Variants in SEL1L3 observed in about 807,000 individuals in gnomAD.
SEL1L3 encodes the protein protein sel-1 homolog 3.
Under a neutral mutation model 142.8 loss-of-function variants are expected in SEL1L3, and 76 were observed. The observed-to-expected ratio is 0.53, with a 90% CI of 0.44 to 0.64. SEL1L3 has a LOEUF of 0.64. Among genes scored for constraint, SEL1L3 ranks in the 30% least tolerant of loss-of-function variants. The pLI is 0.00. For missense variants in SEL1L3, 1,262 were observed against 1,381.7 expected, an observed-to-expected ratio of 0.91 and a Z score of 1.37; for synonymous variants, 504 against 519.6, an observed-to-expected ratio of 0.97 and a Z score of 0.41.
At chr4:25,740,841 A>G in the SEL1L3 span, among the ~76,000 whole-genome samples, 66 of 151,110 alleles carry the variant, frequency 4.4e-4, no homozygotes, top group African/African-American at 1.6e-3. Context: ...CTGGAGTGCA[A>G]TGGTGCGATC....
intron 6 of SEL1L3, among the ~76,000 whole-genome samples, chr4:25,826,310 A>G (rs1290831702): frequency 1.3e-5 from 2 of 152,222 alleles, no homozygotes; most frequent in African/African-American, 4.8e-5. Flanking sequence ...AATCCCGAGC[A>G]CTTAATTCCT....
the SEL1L3 span, among the ~76,000 whole-genome samples, chr4:25,733,482 A>C: frequency 6.8e-6 from 1 of 147,714 alleles, no homozygotes; most frequent in Non-Finnish European, 1.5e-5. Context: ...CATTGATAAG[A>C]TCATGTAGTT....
chr4:25,822,116 A>G lies in SEL1L3; in HGVS notation c.1170T>C (p.Asp390=), dbSNP rs1331766279. 1 of 1,613,868 alleles carries G rather than the reference A, an allele frequency of 6.2e-7. No homozygotes were observed. The highest frequency in any genetic ancestry group is 1.7e-5 in the Admixed American group (1 of 60,016). ...YHNQTISFRE[D]FHYNDTAGYF... is the part of the protein sequence containing the mutation. ...ACCCAGCTGTGTCATTATAATGGAAATCCTCCCGGAAGCTAGAGAAGAGAA... is the reference window on the plus strand; with the variant it reads ...ACCCAGCTGTGTCATTATAATGGAAGTCCTCCCGGAAGCTAGAGAAGAGAA... Residue 390 remains aspartate (D), a synonymous_variant, in exon 7 of 24, where the codon GAT becomes GAC. Coordinates refer to ENST00000399878, the MANE Select transcript of SEL1L3 (RefSeq NM_015187.5).
rs1349745051 is a variant in SEL1L3 at position 25,833,019 on chromosome 4, C to T, written c.1074G>A (p.Leu358=). ...CCTGGCCTCCGTTAAAAGAGATATC[C>T]AGTCGAAACCACTCCTTCAAAGGTA... is the stretch of plus-strand genomic sequence containing the variant. ...FIIPLKEWFR[L]DISFNGGQIV... is the part of the protein sequence containing the mutation. Residue 358 remains leucine (L), a synonymous_variant, in exon 5 of 24, where the codon CTG becomes CTA. Transcript: ENST00000399878. The T allele has an allele frequency of 3.7e-6, 6 of 1,607,056 alleles. No individual in the cohort carries two copies. The South Asian group carries it at 6.6e-5, about 18-fold the overall frequency.
intron 1 of SEL1L3, among the ~76,000 whole-genome samples, chr4:25,856,910 A>G (rs1717300827): frequency 6.6e-6 from 1 of 152,226 alleles, no homozygotes; most frequent in Non-Finnish European, 1.5e-5. Context: ...GAACAGAGAG[A>G]TTGGGAAACT....
intron 14 of SEL1L3, among the ~76,000 whole-genome samples, chr4:25,783,999 C>A (rs973796495): frequency 6.6e-6 from 1 of 152,158 alleles, no homozygotes; most frequent in Admixed American, 6.5e-5. Context: ...AAGGTGAATT[C>A]AGCTTTTGAA....
Position 25,759,111 on chromosome 4 carries a change from A to G in SEL1L3, c.2956-43T>C, listed in dbSNP as rs768613583. On this transcript the variant is annotated intron_variant, in intron 20 of 23. Transcript: ENST00000399878. The stretch of plus-strand genomic sequence containing the variant: ...ACCAAACTCATCAAATCCTTGAAAT[A>G]AAACCTAGACACACACTCTTCATCA... 115 of 1,601,366 alleles carry G rather than the reference A, an allele frequency of 7.2e-5. No homozygotes were observed. In the Middle Eastern group the frequency reaches 1.8e-3, roughly 25 times the overall value.
intron 6 of SEL1L3, among the ~76,000 whole-genome samples, chr4:25,828,123 C>T (rs371887392): frequency 2.6e-5 from 4 of 152,138 alleles, no homozygotes; most frequent in South Asian, 2.1e-4. Flanking sequence ...AGGCCTCAGC[C>T]GCTATGTTTC....
chr4:25,757,995 A>C (rs1003080214), intron 21 of SEL1L3: 1 of 585,202 alleles, frequency 1.7e-6, no homozygotes, highest in Non-Finnish European at 3.1e-6. Flanking sequence ...ATCCCAGTAG[A>C]AATTTTAGAA....
intron 2 of SEL1L3, among the ~76,000 whole-genome samples, chr4:25,835,714 G>T (rs1715774843): frequency 6.6e-6 from 1 of 152,192 alleles, no homozygotes; most frequent in East Asian, 1.9e-4. Context: ...ACAACAGTAA[G>T]TTAACACTTC....
intron 13 of SEL1L3, among the ~76,000 whole-genome samples, chr4:25,786,875 A>G (rs1010532200): frequency 2.6e-5 from 4 of 152,208 alleles, no homozygotes; most frequent in Non-Finnish European, 4.4e-5. Context: ...AGGCTTTGAT[A>G]GGGTAGGGAG....
intron 20 of SEL1L3, chr4:25,759,403 C>T (rs999581299): frequency 4.4e-6 from 1 of 226,364 alleles, no homozygotes; most frequent in Non-Finnish European, 8.8e-6. Flanking sequence ...AATACTGAGT[C>T]GAATACCATG....
At chr4:25,776,175 C>A in intron 17 of SEL1L3, 102 bp downstream of exon 17, 1 of 686,872 alleles carries the variant, frequency 1.5e-6, no homozygotes, top group Non-Finnish European at 2.6e-6. Context: ...GCTGTGATTT[C>A]CCTGCAAATT....
At chr4:25,756,386 A>G (rs1717960221) in intron 23 of SEL1L3, 1 of 984,814 alleles carries the variant, frequency 1.0e-6, no homozygotes, top group Non-Finnish European at 1.2e-6. Flanking sequence ...GAGTAAATGT[A>G]AGAGCTAACA....
intron 15 of SEL1L3, among the ~76,000 whole-genome samples, chr4:25,781,847 C>G (rs900403534): frequency 3.3e-5 from 5 of 152,236 alleles, no homozygotes; most frequent in African/African-American, 9.6e-5. Context: ...ATTATTAAAA[C>G]TGGTTTCACA....
intron 11 of SEL1L3, among the ~76,000 whole-genome samples, chr4:25,792,200 CT>C (rs1712387068): frequency 6.6e-6 from 1 of 151,932 alleles, no homozygotes; most frequent in African/African-American, 2.4e-5. Flanking sequence ...TATTTTTTTC[CT>C]TTTTTTCTTT....
rs144061942 is a variant in SEL1L3, at chr4:25,827,756, A to G, written c.1157+2342T>C. Among the ~76,000 whole-genome samples the G allele has an allele frequency of 4.8e-3, 725 of 152,216 alleles. 4 individuals carry two copies. Among genetic ancestry groups the G allele is most frequent in the African/African-American group, 0.017 (687 of 41,534 alleles). ...TCTCTGGGATTGAAGAGGAAAGGAA[A>G]CTCTTACAAAGAAAATGAAAAGGAG... On this transcript the variant is annotated intron_variant, in intron 6 of 23. Transcript: ENST00000399878.
At chr4:25,740,848 G>A in the SEL1L3 span, among the ~76,000 whole-genome samples, 10 of 151,964 alleles carry the variant, frequency 6.6e-5, no homozygotes, top group African/African-American at 1.2e-4. Context: ...GCAATGGTGC[G>A]ATCTCGGCTT....
Position 25,767,849 on chromosome 4 carries a change from T to A in SEL1L3, c.2670-19A>T. 2.8e-6 allele frequency: 4 copies of A among 1,446,818 alleles called. No homozygotes were observed. Among genetic ancestry groups the A allele is most frequent in the Non-Finnish European group, 3.8e-6 (4 of 1,051,830 alleles). 89.6% of individuals were successfully genotyped at this position (1,446,818 alleles called of 1,614,324 possible). On this transcript the variant is annotated intron_variant, in intron 17 of 23. Coordinates refer to ENST00000399878, the MANE Select transcript of SEL1L3 (RefSeq NM_015187.5). ...TTCATGCCTAAAAATAGATGATTAA[T>A]AATAAATTTCATATAGTGGCTCTTA... is the stretch of plus-strand genomic sequence containing the variant.
Sources: allele counts gnomAD v4.1 joint callset (sites outside exome capture counted in the v4.1 genomes callset), GRCh38; gene constraint gnomAD v4.1.1; transcripts MANE v1.5; gene names NCBI Gene and HGNC (gene_info 2026-07-23, HGNC 2026-07-21).